The following NUDT3 variants were observed in gnomAD, a reference collection of about 807,000 sequenced individuals.
NUDT3 encodes the protein nudix hydrolase 3, also known as diphosphoinositol polyphosphate phosphohydrolase 1.
NUDT3 carries 9 observed loss-of-function variants against 23.6 expected under a neutral mutation model. That is an observed-to-expected ratio of 0.38 (90% CI 0.23 to 0.66). The LOEUF is 0.66. Ranked by LOEUF, NUDT3 falls within the 30% of genes least tolerant of loss-of-function variation. The pLI is 0.52. For missense variants in NUDT3, 172 were observed against 218.5 expected (o/e 0.79, Z 1.34); for synonymous variants, 86 against 82.6 (o/e 1.04, Z -0.22).
chr6:34,328,207 A>T (rs936916734), intron 2 of NUDT3, among the ~76,000 whole-genome samples: 2 of 152,130 alleles, frequency 1.3e-5, no homozygotes, highest in African/African-American at 4.8e-5. Flanking sequence ...CCAGCTTTCA[A>T]GTTTCTCTTG....
At chr6:34,359,370 T>C (rs987740723) in intron 1 of NUDT3, among the ~76,000 whole-genome samples, 17 of 152,180 alleles carry the variant, frequency 1.1e-4, no homozygotes, top group African/African-American at 4.1e-4. Context: ...CAAGACTGCC[T>C]AAAAAAACAA....
At position 34,342,109 on chromosome 6, in the gene NUDT3, A is replaced by G. The variant is rs1581877148; in HGVS notation, c.100-137T>C. 10 of 739,864 alleles carry G rather than the reference A, an allele frequency of 1.4e-5. No individual in the cohort carries two copies. In the East Asian group the frequency reaches 2.5e-4, roughly 19 times the overall value. 45.8% of individuals were successfully genotyped at this position (739,864 alleles called of 1,614,324 possible). A position where few individuals can be genotyped will look rare whatever the true frequency, so the allele number is the denominator to read the frequency against. ...TATGCCTTCCCAAATCACTTCTTGC[A>G]AAGTAGCTTTCGTTTCTATTTGAAA... On this transcript the variant is annotated intron_variant, in intron 1 of 4. Coordinates refer to ENST00000607016, the MANE Select transcript of NUDT3 (RefSeq NM_006703.4).
chr6:34,325,752 T>C (rs893466852), intron 2 of NUDT3, among the ~76,000 whole-genome samples: 4 of 152,222 alleles, frequency 2.6e-5, no homozygotes, highest in African/African-American at 9.6e-5. Flanking sequence ...GATTCTTATA[T>C]ATTGTAGTGC....
chr6:34,390,112 T>C (rs1297561886), intron 1 of NUDT3, among the ~76,000 whole-genome samples: 2 of 152,078 alleles, frequency 1.3e-5, no homozygotes, highest in African/African-American at 4.8e-5. Context: ...CACTCCAGCC[T>C]GGGCGAAAGA....
intron 1 of NUDT3, among the ~76,000 whole-genome samples, chr6:34,384,288 T>C (rs1765069647): frequency 6.6e-6 from 1 of 152,214 alleles, no homozygotes; most frequent in African/African-American, 2.4e-5. Flanking sequence ...GGGCTTCTAG[T>C]GGAAAAGTAC....
Position 34,352,047 on chromosome 6 carries a change from C to CA in NUDT3, c.100-10076dup, listed in dbSNP as rs201462719. Among the ~76,000 whole-genome samples the CA allele has an allele frequency of 8.6e-3, 1,299 of 151,156 alleles. 11 individuals are homozygous for CA. The highest frequency in any genetic ancestry group is 0.031 in the Middle Eastern group (9 of 294). Reference sequence around the variant, plus strand: ...CTGTCTCCACAAAAAAAACAAAAAACAAAAAAAAACTTATAATTGGCCAAG... The same window carrying CA: ...CTGTCTCCACAAAAAAAACAAAAAACAAAAAAAAAACTTATAATTGGCCAAG... On this transcript the variant is annotated intron_variant, in intron 1 of 4. Transcript: ENST00000607016.
chr6:34,312,815 T>G (rs1429604908), intron 2 of NUDT3, among the ~76,000 whole-genome samples: 1 of 152,194 alleles, frequency 6.6e-6, no homozygotes, highest in Non-Finnish European at 1.5e-5. Flanking sequence ...GTGGTACATT[T>G]ACACAAAGGA....
chr6:34,340,230 T>C (rs1764267931), intron 2 of NUDT3, among the ~76,000 whole-genome samples: 1 of 152,188 alleles, frequency 6.6e-6, no homozygotes, highest in South Asian at 2.1e-4. Context: ...CTTGGGCTCT[T>C]AATACTGCTG....
chr6:34,386,858 T>C (rs1765115279), intron 1 of NUDT3, among the ~76,000 whole-genome samples: 1 of 152,192 alleles, frequency 6.6e-6, no homozygotes, highest in Non-Finnish European at 1.5e-5. Context: ...CTCATGCCTG[T>C]AATCCCAGCA....
In NUDT3 at chr6:34,321,845, C is replaced by T. The variant is rs144972567; in HGVS notation, c.210+20017G>A. On this transcript the variant is annotated intron_variant, in intron 2 of 4. Transcript: ENST00000607016. ...GCCTCCAAACCTGGGCTGTTCAAAA[C>T]GGTGAACATGATATACATGTAGCTA... 9.9e-5 allele frequency among the ~76,000 whole-genome samples: 15 copies of T among 152,274 alleles called. No homozygotes were observed. The South Asian group carries it at 1.9e-3, about 19-fold the overall frequency.
chr6:34,334,368 G>A (rs1353711466), intron 2 of NUDT3, among the ~76,000 whole-genome samples: 1 of 152,194 alleles, frequency 6.6e-6, no homozygotes, highest in East Asian at 1.9e-4. Context: ...ACCAGGGGCG[G>A]TGGCTCACAC....
At chr6:34,308,913 A>C (rs188700715) in intron 2 of NUDT3, among the ~76,000 whole-genome samples, 287 of 152,358 alleles carry the variant, frequency 1.9e-3, no homozygotes, top group African/African-American at 6.7e-3. Flanking sequence ...AATTGACATA[A>C]GTGACCTCTA....
At chr6:34,291,571 T>TGA (rs1763423277) in intron 4 of NUDT3, among the ~76,000 whole-genome samples, 1 of 152,078 alleles carries the variant, frequency 6.6e-6, no homozygotes. Context: ...GGTGTATTCT[T>TGA]GGCTCACTGC....
intron 2 of NUDT3, among the ~76,000 whole-genome samples, chr6:34,341,524 TA>T (rs1209123214): frequency 2.0e-5 from 3 of 152,176 alleles, no homozygotes; most frequent in African/African-American, 7.2e-5. Context: ...ATGAGTCATT[TA>T]TACTAATGCT....
intron 2 of NUDT3, among the ~76,000 whole-genome samples, chr6:34,335,582 T>C (rs1279048970): frequency 1.3e-5 from 2 of 152,110 alleles, no homozygotes; most frequent in East Asian, 3.9e-4. Context: ...TTTAAAAATA[T>C]AGTTGAATAA....
intron 2 of NUDT3, among the ~76,000 whole-genome samples, chr6:34,297,726 A>AT (rs1763525013): frequency 2.4e-5 from 1 of 42,496 alleles, no homozygotes; most frequent in South Asian, 7.5e-4. Flanking sequence ...TGTAAAAAAA[A>AT]AAAAATATAT....
chr6:34,354,488 C>T (rs916783341), intron 1 of NUDT3, among the ~76,000 whole-genome samples: 7 of 151,288 alleles, frequency 4.6e-5, no homozygotes, highest in African/African-American at 1.2e-4. Context: ...TCTGGGAGGC[C>T]GAGGCAGATG....
chr6:34,311,497 G>A (rs527986312), intron 2 of NUDT3, among the ~76,000 whole-genome samples: 2 of 152,264 alleles, frequency 1.3e-5, no homozygotes, highest in African/African-American at 2.4e-5. Context: ...TAATATGTCA[G>A]TTCTTCCCAA....
intron 1 of NUDT3, among the ~76,000 whole-genome samples, chr6:34,343,244 T>C (rs1373463768): frequency 6.6e-6 from 1 of 152,010 alleles, no homozygotes; most frequent in African/African-American, 2.4e-5. Flanking sequence ...TATGTATATA[T>C]ACTCAGTTAA....
Sources: gnomAD v4.1 joint callset for allele counts (sites outside exome capture counted in the v4.1 genomes callset) on GRCh38, gnomAD v4.1.1 for gene constraint, MANE v1.5 for transcripts, NCBI Gene and HGNC (gene_info 2026-07-23, HGNC 2026-07-21) for gene names.